The following NKAIN2 variants were observed in gnomAD, a reference collection of about 807,000 sequenced individuals.
The protein encoded by NKAIN2 is sodium/potassium-transporting ATPase subunit beta-1-interacting protein 2.
NKAIN2 carries 14 observed loss-of-function variants against 32.6 expected under a neutral mutation model. That is an observed-to-expected ratio of 0.43 (90% CI 0.28 to 0.67). The LOEUF (loss-of-function observed/expected upper bound fraction) is 0.67. Ranked by LOEUF, NKAIN2 falls within the 30% of genes least tolerant of loss-of-function variation. The pLI is 0.17. For synonymous variants in NKAIN2, 80 were observed against 87.2 expected (o/e 0.92, Z 0.46); for missense variants, 198 against 258.3 (o/e 0.77, Z 1.60).
At chr6:124,103,853 C>T (rs570400561) in intron 1 of NKAIN2, among the ~76,000 whole-genome samples, 9 of 152,012 alleles carry the variant, frequency 5.9e-5, no homozygotes, top group South Asian at 2.1e-4. Flanking sequence ...TTTGAGAGGC[C>T]GAGGTGGGCG....
chr6:123,982,514 G>T (rs1279063992), intron 1 of NKAIN2, among the ~76,000 whole-genome samples: 3 of 152,072 alleles, frequency 2.0e-5, no homozygotes, highest in South Asian at 4.2e-4. Context: ...ATTATATTGT[G>T]CCTTTGTGTG....
rs117356058 is a variant in NKAIN2, at chr6:124,565,470, C to T, written c.274-92716C>T. On this transcript the variant is annotated intron_variant, in intron 3 of 6. Transcript: ENST00000368417. Reference sequence around the variant, plus strand: ...ATCAGACTATTGTAATGTGATATGTCGATTGCCATTCTAAATAGCTATTTT... The same window carrying T: ...ATCAGACTATTGTAATGTGATATGTTGATTGCCATTCTAAATAGCTATTTT... Among the ~76,000 whole-genome samples the T allele has an allele frequency of 4.3e-4, 65 of 152,258 alleles. No homozygotes were observed. The East Asian group carries it at 7.1e-3, about 17-fold the overall frequency.
chr6:124,147,427 G>GA (rs1263493379), intron 1 of NKAIN2, among the ~76,000 whole-genome samples: 3 of 150,436 alleles, frequency 2.0e-5, no homozygotes, highest in Admixed American at 6.6e-5. Context: ...GGAACTGGAA[G>GA]AAAAAAAAAT....
chr6:124,465,474 C>T (rs1197660037), intron 3 of NKAIN2, among the ~76,000 whole-genome samples: 1 of 151,808 alleles, frequency 6.6e-6, no homozygotes, highest in African/African-American at 2.4e-5. Flanking sequence ...CACACTGGGG[C>T]CTGTCAGGGG....
At chr6:123,825,828 G>A (rs1774125659) in intron 1 of NKAIN2, among the ~76,000 whole-genome samples, 1 of 152,056 alleles carries the variant, frequency 6.6e-6, no homozygotes, top group Admixed American at 6.6e-5. Flanking sequence ...GGTATGATAC[G>A]TGTTTTCAAA....
At chr6:124,137,240 A>T (rs575451978) in intron 1 of NKAIN2, among the ~76,000 whole-genome samples, 1 of 152,282 alleles carries the variant, frequency 6.6e-6, no homozygotes, top group East Asian at 1.9e-4. Context: ...TTACATTAAG[A>T]ACTCAATCTT....
At chr6:124,653,571 A>T (rs1313343089) in intron 3 of NKAIN2, among the ~76,000 whole-genome samples, 2 of 152,074 alleles carry the variant, frequency 1.3e-5, no homozygotes, top group African/African-American at 4.8e-5. Flanking sequence ...ATGACACAGG[A>T]GAAAATCTAG....
At chr6:124,014,088 G>T (rs970200954) in intron 1 of NKAIN2, among the ~76,000 whole-genome samples, 1 of 152,102 alleles carries the variant, frequency 6.6e-6, no homozygotes, top group Non-Finnish European at 1.5e-5. Flanking sequence ...TATAATATAC[G>T]TATCCCCCTT....
chr6:124,711,358 G>A (rs1478863846), intron 4 of NKAIN2, among the ~76,000 whole-genome samples: 5 of 87,244 alleles, frequency 5.7e-5, no homozygotes, highest in African/African-American at 1.4e-4. Flanking sequence ...GAATCTGAAC[G>A]TTGGCCTGCC....
At chr6:123,805,372 A>G (rs1350902955) in intron 1 of NKAIN2, among the ~76,000 whole-genome samples, 1 of 152,186 alleles carries the variant, frequency 6.6e-6, no homozygotes, top group Non-Finnish European at 1.5e-5. Flanking sequence ...GTTCTTGTTT[A>G]TCAGTTGTCG....
intron 5 of NKAIN2, among the ~76,000 whole-genome samples, chr6:124,799,766 C>T (rs1227659192): frequency 1.3e-5 from 2 of 152,096 alleles, no homozygotes; most frequent in Admixed American, 1.3e-4. Context: ...AGAAAGAAAC[C>T]ATGTGACTTG....
chr6:124,785,340 G>A (rs1249222838), intron 4 of NKAIN2, among the ~76,000 whole-genome samples: 1 of 152,048 alleles, frequency 6.6e-6, no homozygotes, highest in Non-Finnish European at 1.5e-5. Context: ...TTTTTGCGAT[G>A]TCTACTCTAA....
At chr6:123,858,897 C>G (rs1165344768) in intron 1 of NKAIN2, among the ~76,000 whole-genome samples, 1 of 152,124 alleles carries the variant, frequency 6.6e-6, no homozygotes, top group Admixed American at 6.6e-5. Context: ...AATGCTAAGA[C>G]AGGTGAACTC....
intron 1 of NKAIN2, among the ~76,000 whole-genome samples, chr6:123,934,753 G>A (rs1293858072): frequency 6.6e-6 from 1 of 151,790 alleles, no homozygotes; most frequent in Non-Finnish European, 1.5e-5. Context: ...ATGTATTTTT[G>A]GCCAGTCACC....
At chr6:124,822,060 C>A (rs1582584125) in intron 6 of NKAIN2, among the ~76,000 whole-genome samples, 1 of 152,168 alleles carries the variant, frequency 6.6e-6, no homozygotes, top group East Asian at 1.9e-4. Flanking sequence ...AACTTAGCTG[C>A]CACATTTCCA....
intron 3 of NKAIN2, among the ~76,000 whole-genome samples, chr6:124,626,593 C>T (rs1166956109): frequency 1.3e-5 from 2 of 152,098 alleles, no homozygotes; most frequent in Non-Finnish European, 2.9e-5. Flanking sequence ...AAATGCTTCC[C>T]ACATGCAAGT....
At chr6:124,391,908 G>A (rs1773159843) in intron 3 of NKAIN2, among the ~76,000 whole-genome samples, 1 of 152,078 alleles carries the variant, frequency 6.6e-6, no homozygotes, top group Non-Finnish European at 1.5e-5. Flanking sequence ...TCTCTGCTGA[G>A]CAACTCAGCA....
intron 1 of NKAIN2, among the ~76,000 whole-genome samples, chr6:124,186,314 A>G (rs1195168829): frequency 1.3e-5 from 2 of 152,092 alleles, no homozygotes; most frequent in African/African-American, 4.8e-5. Context: ...ATGGTGGTGT[A>G]TGCCAGTAGT....
At chr6:124,621,383 T>A (rs1023549979) in intron 3 of NKAIN2, among the ~76,000 whole-genome samples, 2 of 152,192 alleles carry the variant, frequency 1.3e-5, no homozygotes, top group African/African-American at 4.8e-5. Context: ...AACTAAAAAG[T>A]CTGGGGGATA....
Sources: gnomAD v4.1 joint callset for allele counts (sites outside exome capture counted in the v4.1 genomes callset) on GRCh38, gnomAD v4.1.1 for gene constraint, MANE v1.5 for transcripts, NCBI Gene and HGNC (gene_info 2026-07-23, HGNC 2026-07-21) for gene names.